The following ERGIC2 variants were observed in gnomAD, a reference collection of about 807,000 sequenced individuals.
ERGIC2 encodes the protein ERGIC and golgi 2, also known as endoplasmic reticulum-Golgi intermediate compartment protein 2.
ERGIC2 carries 31 observed loss-of-function variants against 52.5 expected under a neutral mutation model. The observed-to-expected ratio is 0.59, with a 90% CI of 0.44 to 0.80. The LOEUF (loss-of-function observed/expected upper bound fraction) is 0.80. Ranked by LOEUF, ERGIC2 falls within the 30% of genes least tolerant of loss-of-function variation. ERGIC2 has a pLI of 0.00. For synonymous variants in ERGIC2, 129 were observed against 140.6 expected, an observed-to-expected ratio of 0.92 and a Z score of 0.58; for missense variants, 395 against 455.2, an observed-to-expected ratio of 0.87 and a Z score of 1.20.
At position 29,371,352 on chromosome 12, in the gene ERGIC2, T is replaced by C. The variant is rs371356664; in HGVS notation, c.106+176A>G. Among the ~76,000 whole-genome samples the C allele has an allele frequency of 1.2e-4, 19 of 152,304 alleles. No homozygotes were observed. In the East Asian group the frequency reaches 2.9e-3, roughly 23 times the overall value. On this transcript the variant is annotated intron_variant, in intron 2 of 13. Coordinates refer to ENST00000360150, the MANE Select transcript of ERGIC2 (RefSeq NM_016570.3). ...ACAGATGGCACTGTGTTGGAGGCTA[T>C]AGAGAATATTAATAAGAATTACAGC...
intron 6 of ERGIC2, among the ~76,000 whole-genome samples, chr12:29,358,904 T>A (rs1355963871): frequency 1.3e-5 from 2 of 152,074 alleles, no homozygotes; most frequent in Non-Finnish European, 2.9e-5. Context: ...ACTGTATAGT[T>A]TGGAATAAAA....
chr12:29,369,310 C>A (rs1020025753), intron 3 of ERGIC2, among the ~76,000 whole-genome samples: 1 of 151,772 alleles, frequency 6.6e-6, no homozygotes, highest in Non-Finnish European at 1.5e-5. Context: ...CTTTGAAAAC[C>A]AATACTATCC....
At chr12:29,373,644 G>C (rs1006457885) in intron 1 of ERGIC2, among the ~76,000 whole-genome samples, 2 of 152,214 alleles carry the variant, frequency 1.3e-5, no homozygotes, top group African/African-American at 4.8e-5. Context: ...CTACAGTAGA[G>C]TTGAAAGCAT....
chr12:29,373,640 T>A (rs555658045), intron 1 of ERGIC2, among the ~76,000 whole-genome samples: 1 of 152,320 alleles, frequency 6.6e-6, no homozygotes, highest in African/African-American at 2.4e-5. Context: ...TACTCTACAG[T>A]AGAGTTGAAA....
At chr12:29,345,349 C>T (rs561723695) in intron 11 of ERGIC2, 94 bp downstream of exon 11, 3 of 685,654 alleles carry the variant, frequency 4.4e-6, no homozygotes, top group African/African-American at 1.8e-5. Flanking sequence ...GGGAAGACAC[C>T]AAGTAAAACA....
intron 8 of ERGIC2, among the ~76,000 whole-genome samples, chr12:29,355,182 C>A (rs566380255): frequency 1.6e-4 from 24 of 152,070 alleles, no homozygotes; most frequent in Admixed American, 1.5e-3. Flanking sequence ...TGACTTGCAG[C>A]GTACATTTAA....
intron 8 of ERGIC2, among the ~76,000 whole-genome samples, chr12:29,351,766 A>G (rs1030208052): frequency 6.6e-6 from 1 of 152,208 alleles, no homozygotes; most frequent in Admixed American, 6.5e-5. Context: ...TTGCTAAACA[A>G]TGAGGCACTT....
intron 1 of ERGIC2, among the ~76,000 whole-genome samples, chr12:29,376,278 C>A (rs1198268758): frequency 6.6e-6 from 1 of 152,124 alleles, no homozygotes; most frequent in Non-Finnish European, 1.5e-5. Flanking sequence ...GAACTTGAAA[C>A]TATGCTCCAA....
At chr12:29,371,173 C>G (rs1481986951) in intron 2 of ERGIC2, among the ~76,000 whole-genome samples, 1 of 151,858 alleles carries the variant, frequency 6.6e-6, no homozygotes, top group Non-Finnish European at 1.5e-5. Context: ...ATAGTAACCC[C>G]TAGGAGGTAA....
chr12:29,371,547 A>G lies in ERGIC2; in HGVS notation c.87T>C (p.Thr29=), dbSNP rs1326838048. The G allele has an allele frequency of 1.9e-6, 3 of 1,608,800 alleles. No homozygotes were observed. Among genetic ancestry groups the G allele is most frequent in the Middle Eastern group, 1.7e-4 (1 of 6,034 alleles). The part of the protein sequence containing the change: ...FPKVPESYVE[T]SASGGTVSLI... ...ACTCACCTGTACCTCCACTGGCTGA[A>G]GTCTCTACATAGCTCTCAGGAACCT... is the stretch of plus-strand genomic sequence containing the variant. Residue 29 remains threonine (T), a synonymous_variant, in exon 2 of 14, where the codon ACT becomes ACC. Transcript: ENST00000360150.
intron 5 of ERGIC2, among the ~76,000 whole-genome samples, chr12:29,364,479 G>A (rs922404396): frequency 6.6e-6 from 1 of 151,898 alleles, no homozygotes; most frequent in African/African-American, 2.4e-5. Flanking sequence ...AGATTTAAAT[G>A]ACCTTAAACT....
chr12:29,347,780 G>C (rs761223046), intron 10 of ERGIC2, among the ~76,000 whole-genome samples: 2 of 152,050 alleles, frequency 1.3e-5, no homozygotes, highest in Non-Finnish European at 2.9e-5. Context: ...TTACGAAGGA[G>C]AAAAGTATAC....
chr12:29,341,743 A>G lies in ERGIC2; in HGVS notation c.1062T>C (p.Pro354=). 6.4e-7 allele frequency: 1 copy of G among 1,570,890 alleles called. No individual in the cohort carries two copies. The highest frequency in any genetic ancestry group is 8.8e-7 in the Non-Finnish European group (1 of 1,141,392). The change falls in exon 13 of 14, where the codon CCT becomes CCC. Residue 354 remains proline (P), a synonymous_variant. Coordinates refer to ENST00000360150, the MANE Select transcript of ERGIC2 (RefSeq NM_016570.3). The part of the protein sequence containing the change: ...CCRFRLGSYK[P]VNSVPFEDGH... The stretch of plus-strand genomic sequence containing the variant: ...ATACTACACCACTTACAGAATTGAC[A>G]GGTTTATAGGATCCAAGTCTGAAAC...
chr12:29,362,843 A>G lies in ERGIC2; in HGVS notation c.334-1158T>C, dbSNP rs80207413. Among the ~76,000 whole-genome samples the G allele has an allele frequency of 1.4e-3, 219 of 152,308 alleles. 1 individual carries two copies. Among genetic ancestry groups the G allele is most frequent in the African/African-American group, 5.2e-3 (216 of 41,568 alleles). On this transcript the variant is annotated intron_variant, in intron 5 of 13. Coordinates refer to ENST00000360150, the MANE Select transcript of ERGIC2 (RefSeq NM_016570.3). ...AAACCTTTTTCACATTATAGCATAT[A>G]AGGAAAATGCTAACATCTATAAAAC...
chr12:29,337,685 T>A lies in ERGIC2; in HGVS notation c.*3471A>T, dbSNP rs188291972. On this transcript the variant is annotated 3_prime_UTR_variant, in exon 14 of 14. Transcript: ENST00000360150. ...GCTCAAAACAGGAAAAGTACTAGCTTAAAAGGCATGCTGAGATTTTAAAGG... is the reference window on the plus strand; with the variant it reads ...GCTCAAAACAGGAAAAGTACTAGCTAAAAAGGCATGCTGAGATTTTAAAGG... The A allele has an allele frequency of 6.6e-6, 1 of 152,296 alleles. No homozygotes were observed. Among genetic ancestry groups the A allele is most frequent in the Admixed American group, 6.5e-5 (1 of 15,300 alleles). The allele number at this position is 152,296 out of a possible 1,614,324, so 9.4% of individuals were successfully genotyped here.
chr12:29,356,087 T>A (rs1940199816), intron 8 of ERGIC2, among the ~76,000 whole-genome samples: 1 of 152,102 alleles, frequency 6.6e-6, no homozygotes, highest in Admixed American at 6.5e-5. Context: ...AGTGGCGCGA[T>A]CTCGGCTCAC....
chr12:29,366,572 T>C (rs1940365417), intron 5 of ERGIC2, among the ~76,000 whole-genome samples: 1 of 151,584 alleles, frequency 6.6e-6, no homozygotes, highest in Non-Finnish European at 1.5e-5. Flanking sequence ...TCACTATAAC[T>C]AGAAGAAAAG....
At chr12:29,373,333 A>G (rs1940469514) in intron 1 of ERGIC2, among the ~76,000 whole-genome samples, 1 of 152,184 alleles carries the variant, frequency 6.6e-6, no homozygotes, top group African/African-American at 2.4e-5. Flanking sequence ...ACTATAGGTA[A>G]TATTATAAAG....
chr12:29,340,888 AATAT>A lies in ERGIC2; in HGVS notation c.*264_*267del. On this transcript the variant is annotated 3_prime_UTR_variant, in exon 14 of 14. Transcript: ENST00000360150. ...TTTGATACCACCCATTTGCTATGAA[AATAT>A]AAGAAGGCGTCATCTTCAAAGCAAC... The A allele has an allele frequency of 4.0e-6, 2 of 495,886 alleles. No individual in the cohort carries two copies. Among genetic ancestry groups the A allele is most frequent in the South Asian group, 3.6e-5 (2 of 55,746 alleles). The allele number at this position is 495,886 out of a possible 1,614,324, so 30.7% of individuals were successfully genotyped here. A position where few individuals can be genotyped will look rare whatever the true frequency, so the allele number is the denominator to read the frequency against.
Sources: allele counts gnomAD v4.1 joint callset (sites outside exome capture counted in the v4.1 genomes callset), GRCh38; gene constraint gnomAD v4.1.1; transcripts MANE v1.5; gene names NCBI Gene and HGNC (gene_info 2026-07-23, HGNC 2026-07-21).